The following PACRG variants were observed in gnomAD, a reference collection of about 807,000 sequenced individuals.
PACRG encodes parkin coregulated.
A neutral mutation model predicts 29.7 loss-of-function variants in PACRG; 29 were observed. The observed-to-expected ratio is 0.98, with a 90% confidence interval of 0.73 to 1.33. PACRG has a LOEUF of 1.33. PACRG is among the 40% of genes most tolerant of loss of function. The probability of loss-of-function intolerance (pLI) is 0.00; values close to 1 mark genes in which losing one functional copy is unlikely to be tolerated. For synonymous variants in PACRG, 116 were observed against 118.7 expected, an observed-to-expected ratio of 0.98 and a Z score of 0.15; for missense variants, 279 against 316.2, an observed-to-expected ratio of 0.88 and a Z score of 0.89.
chr6:162,908,688 A>G (rs1277320035), intron 2 of PACRG, among the ~76,000 whole-genome samples: 2 of 152,198 alleles, frequency 1.3e-5, no homozygotes, highest in Non-Finnish European at 2.9e-5. Flanking sequence ...TTGATTAGCC[A>G]GTCTTGGGTT....
At chr6:163,108,093 C>G (rs1021046047) in intron 4 of PACRG, among the ~76,000 whole-genome samples, 1 of 152,164 alleles carries the variant, frequency 6.6e-6, no homozygotes, top group African/African-American at 2.4e-5. Flanking sequence ...TGTCCCTACC[C>G]AAATCTCATG....
At chr6:163,192,244 A>C (rs1176923476) in intron 4 of PACRG, among the ~76,000 whole-genome samples, 1 of 152,228 alleles carries the variant, frequency 6.6e-6, no homozygotes, top group East Asian at 1.9e-4. Flanking sequence ...CTTGCAAAGG[A>C]ACCTTAAAGT....
intron 2 of PACRG, among the ~76,000 whole-genome samples, chr6:162,866,653 A>G (rs974321953): frequency 1.3e-5 from 2 of 152,206 alleles, no homozygotes; most frequent in Non-Finnish European, 1.5e-5. Flanking sequence ...CTGATTTCCA[A>G]TTCCCCTGTT....
In PACRG at chr6:162,895,478, C is replaced by A. The variant is rs569388646; in HGVS notation, c.291+81197C>A. 7.6e-4 allele frequency among the ~76,000 whole-genome samples: 115 copies of A among 152,194 alleles called. 1 individual carries two copies. Among genetic ancestry groups the A allele is most frequent in the African/African-American group, 2.6e-3 (109 of 41,516 alleles). On this transcript the variant is annotated intron_variant, in intron 2 of 4. Coordinates refer to ENST00000366888, the MANE Select transcript of PACRG (RefSeq NM_001080379.2). ...AATGTTAACTAATGGTCTAACATTT[C>A]TTAATCTTTACTTTGTATCAAATGG...
intron 2 of PACRG, among the ~76,000 whole-genome samples, chr6:162,926,356 G>A (rs1446834626): frequency 6.6e-6 from 1 of 151,004 alleles, no homozygotes; most frequent in Non-Finnish European, 1.5e-5. Flanking sequence ...ACAATCCTAA[G>A]CAAAAAGAAC....
chr6:162,984,708 G>A (rs1301078569), intron 2 of PACRG, among the ~76,000 whole-genome samples: 1 of 151,974 alleles, frequency 6.6e-6, no homozygotes. Context: ...CATTCTTGCA[G>A]GAGTGAGGTG....
chr6:163,101,222 A>G (rs1241820420), intron 4 of PACRG: 2 of 980,606 alleles, frequency 2.0e-6, no homozygotes, highest in East Asian at 1.1e-4. Flanking sequence ...GTCACAAACT[A>G]AAAAACTAAT....
rs537167745 is a variant in PACRG, at chr6:163,108,900, G to A, written c.613+19492G>A. On this transcript the variant is annotated intron_variant, in intron 4 of 4. Coordinates refer to ENST00000366888, the MANE Select transcript of PACRG (RefSeq NM_001080379.2). ...ATCAAAATCAATACATCAAAGAACA[G>A]GATGCACAAGAATAATATTCACCAA... 3.9e-5 allele frequency among the ~76,000 whole-genome samples: 6 copies of A among 152,140 alleles called. No individual in the cohort carries two copies. In the South Asian group the frequency reaches 6.2e-4, roughly 16 times the overall value.
chr6:163,215,135 G>A (rs750147364), intron 4 of PACRG, among the ~76,000 whole-genome samples: 4 of 151,126 alleles, frequency 2.6e-5, no homozygotes, highest in African/African-American at 9.7e-5. Flanking sequence ...TTTGTGCAAT[G>A]TACTGCTAAA....
chr6:162,994,993 C>T (rs1246207070), intron 2 of PACRG, among the ~76,000 whole-genome samples: 1 of 150,268 alleles, frequency 6.7e-6, no homozygotes, highest in Non-Finnish European at 1.5e-5. Flanking sequence ...TGTTGGAATA[C>T]CCTGCCGAGT....
chr6:162,851,461 A>ATGT (rs1562663094), intron 2 of PACRG, among the ~76,000 whole-genome samples: 6 of 152,238 alleles, frequency 3.9e-5, no homozygotes. Context: ...TCTAAAATGC[A>ATGT]TGTTTATCAT....
At chr6:163,163,193 T>A (rs1585282130) in intron 4 of PACRG, among the ~76,000 whole-genome samples, 1 of 152,310 alleles carries the variant, frequency 6.6e-6, no homozygotes. Flanking sequence ...ACCTAGGGGT[T>A]TTCAACTATT....
intron 2 of PACRG, among the ~76,000 whole-genome samples, chr6:163,028,020 G>T (rs965488793): frequency 1.3e-5 from 2 of 152,166 alleles, no homozygotes; most frequent in Non-Finnish European, 2.9e-5. Context: ...CTTGAGAGAA[G>T]TCGTGAGTCA....
intron 2 of PACRG, among the ~76,000 whole-genome samples, chr6:162,910,143 T>G (rs1796209679): frequency 6.6e-6 from 1 of 152,230 alleles, no homozygotes; most frequent in African/African-American, 2.4e-5. Flanking sequence ...GCTAAGTGTT[T>G]ACTTCTTTAA....
chr6:162,995,309 C>G (rs1166232735), intron 2 of PACRG, among the ~76,000 whole-genome samples: 2 of 150,992 alleles, frequency 1.3e-5, no homozygotes, highest in Non-Finnish European at 3.0e-5. Context: ...CCTAAGCAAG[C>G]CTGGGCAATG....
intron 3 of PACRG, among the ~76,000 whole-genome samples, chr6:163,077,667 T>C (rs1812672935): frequency 6.6e-6 from 1 of 152,208 alleles, no homozygotes; most frequent in Non-Finnish European, 1.5e-5. Context: ...CTGAACGTGA[T>C]CATAATTATT....
chr6:162,958,834 TAGAGCATATATAGAGC>T (rs1800283693), intron 2 of PACRG, among the ~76,000 whole-genome samples: 1 of 137,978 alleles, frequency 7.2e-6, no homozygotes, highest in Admixed American at 7.8e-5. Flanking sequence ...AGTGTATATA[TAGAGCATATATAGAGC>T]ATATATATAT....
chr6:162,775,034 T>C lies in PACRG; in HGVS notation c.157-39113T>C, dbSNP rs146462826. 4.7e-3 allele frequency among the ~76,000 whole-genome samples: 712 copies of C among 152,244 alleles called. 5 individuals carry two copies. Among genetic ancestry groups the C allele is most frequent in the African/African-American group, 0.016 (679 of 41,528 alleles). ...ATCCTAACCCCCAAGGCAATGATAT[T>C]AAAAGGTGCGGCCTTGGAGAGGTGA... On this transcript the variant is annotated intron_variant, in intron 1 of 4. Coordinates refer to ENST00000366888, the MANE Select transcript of PACRG (RefSeq NM_001080379.2).
chr6:163,176,119 C>A (rs1429861492), intron 4 of PACRG, among the ~76,000 whole-genome samples: 2 of 152,190 alleles, frequency 1.3e-5, no homozygotes, highest in Non-Finnish European at 2.9e-5. Flanking sequence ...ACCTGCCCCC[C>A]ACCCCCCAAC....
Sources: gnomAD v4.1 joint callset for allele counts (sites outside exome capture counted in the v4.1 genomes callset) on GRCh38, gnomAD v4.1.1 for gene constraint, MANE v1.5 for transcripts, NCBI Gene and HGNC (gene_info 2026-07-23, HGNC 2026-07-21) for gene names.